The following ADARB2 variants were observed in gnomAD, a reference collection of about 807,000 sequenced individuals.
ADARB2 encodes adenosine deaminase RNA specific B2 (inactive), also known as inactive double-stranded RNA-specific editase B2.
A neutral mutation model predicts 62.2 loss-of-function variants in ADARB2; 25 were observed. That is an observed-to-expected ratio of 0.40 (90% CI 0.29 to 0.56). The LOEUF (loss-of-function observed/expected upper bound fraction) is 0.56. Among genes scored for constraint, ADARB2 ranks in the 20% least tolerant of loss-of-function variants. ADARB2 has a pLI of 0.43. For missense variants in ADARB2, 1,071 were observed against 1,077.4 expected, an observed-to-expected ratio of 0.99 and a Z score of 0.08; for synonymous variants, 572 against 500.8, an observed-to-expected ratio of 1.14 and a Z score of -1.90.
chr10:1,645,594 A>T (rs1334205175), intron 1 of ADARB2, among the ~76,000 whole-genome samples: 1 of 151,930 alleles, frequency 6.6e-6, no homozygotes, highest in Non-Finnish European at 1.5e-5. Context: ...CAAAACCAAA[A>T]CTCACACCGT....
At chr10:1,418,432 T>C (rs4447096) in intron 1 of ADARB2, among the ~76,000 whole-genome samples, 33,492 of 152,066 alleles carry the variant, frequency 0.22, 4,639 homozygotes, top group East Asian at 0.62. Context: ...GGGGGAGCCT[T>C]GTTGTATGTG....
chr10:1,455,201 G>A (rs944271667), intron 1 of ADARB2, among the ~76,000 whole-genome samples: 3 of 152,206 alleles, frequency 2.0e-5, no homozygotes, highest in African/African-American at 7.2e-5. Flanking sequence ...GTGAGAGGAG[G>A]AACTTTGTTA....
intron 1 of ADARB2, among the ~76,000 whole-genome samples, chr10:1,441,218 GA>G (rs909776125): frequency 2.6e-5 from 4 of 151,956 alleles, no homozygotes; most frequent in East Asian, 1.9e-4. Flanking sequence ...GATTCCTTGG[GA>G]AAAAAATAGA....
intron 4 of ADARB2, among the ~76,000 whole-genome samples, chr10:1,260,026 A>G (rs562286559): frequency 1.3e-5 from 2 of 152,332 alleles, no homozygotes; most frequent in African/African-American, 4.8e-5. Context: ...AATCCAGCAT[A>G]TAAACAGAAC....
intron 1 of ADARB2, among the ~76,000 whole-genome samples, chr10:1,472,320 G>A (rs1041574726): frequency 1.3e-5 from 2 of 152,360 alleles, no homozygotes; most frequent in Admixed American, 6.5e-5. Context: ...AGAGACCAAG[G>A]GCCATGCGGC....
rs577483271 is a variant in ADARB2 at position 1,302,078 on chromosome 10, G to A, written c.1078-31009C>T. 3.3e-5 allele frequency among the ~76,000 whole-genome samples: 5 copies of A among 152,310 alleles called. No homozygotes were observed. In the South Asian group the frequency reaches 8.3e-4, roughly 25 times the overall value. On this transcript the variant is annotated intron_variant, in intron 3 of 9. Transcript: ENST00000381312. ...GTCTACAGCTCCCAGCCTGAGCGAC[G>A]CAGAAGACGGGTGATTTCTGCATTT...
intron 1 of ADARB2, among the ~76,000 whole-genome samples, chr10:1,688,884 C>G (rs4880533): frequency 0.98 from 149,660 of 152,320 alleles, 73,586 homozygotes; most frequent in East Asian, 1. Flanking sequence ...AACATTTTAA[C>G]GTAAAAAAGT....
At chr10:1,339,103 A>G (rs1831999506) in intron 3 of ADARB2, among the ~76,000 whole-genome samples, 1 of 151,844 alleles carries the variant, frequency 6.6e-6, no homozygotes, top group South Asian at 2.1e-4. Flanking sequence ...TCCTCCCTGG[A>G]CCCCACACTA....
At chr10:1,613,343 C>T (rs1450681925) in intron 1 of ADARB2, among the ~76,000 whole-genome samples, 1 of 152,132 alleles carries the variant, frequency 6.6e-6, no homozygotes, top group Non-Finnish European at 1.5e-5. Flanking sequence ...ATATAAATAT[C>T]ATGATTCTTC....
intron 1 of ADARB2, among the ~76,000 whole-genome samples, chr10:1,649,451 C>T (rs2119070249): frequency 6.6e-6 from 1 of 152,328 alleles, no homozygotes; most frequent in Admixed American, 6.5e-5. Context: ...CCTGACCATT[C>T]TGTCCTATGA....
intron 1 of ADARB2, among the ~76,000 whole-genome samples, chr10:1,723,154 A>G (rs1008372765): frequency 1.1e-4 from 16 of 152,206 alleles, no homozygotes; most frequent in Non-Finnish European, 1.5e-4. Flanking sequence ...TCATGGTCCT[A>G]TGATGTAGCT....
intron 1 of ADARB2, among the ~76,000 whole-genome samples, chr10:1,577,138 A>G (rs573695863): frequency 6.6e-6 from 1 of 152,354 alleles, no homozygotes; most frequent in South Asian, 2.1e-4. Flanking sequence ...CAGCAAGGAA[A>G]GAAGCCCAGG....
chr10:1,347,553 T>C (rs1364841481), intron 3 of ADARB2, among the ~76,000 whole-genome samples: 3 of 152,140 alleles, frequency 2.0e-5, no homozygotes, highest in Admixed American at 6.5e-5. Flanking sequence ...GGCAGCCGTG[T>C]GACCTGTCCC....
At position 1,579,055 on chromosome 10, in the gene ADARB2, G is replaced by A. The variant is rs901038646; in HGVS notation, c.100+157996C>T. 5.3e-5 allele frequency among the ~76,000 whole-genome samples: 8 copies of A among 152,264 alleles called. No homozygotes were observed. The Middle Eastern group carries it at 0.01, about 194-fold the overall frequency. On this transcript the variant is annotated intron_variant, in intron 1 of 9. Transcript: ENST00000381312. ...GGATGGATCAGGATACCACGAGGTGGGAGAGCCCCAGGTGCCCACACTGCC... is the reference window on the plus strand; with the variant it reads ...GGATGGATCAGGATACCACGAGGTGAGAGAGCCCCAGGTGCCCACACTGCC...
In ADARB2 at chr10:1,305,689, A is replaced by G. The variant is rs1344964259; in HGVS notation, c.1078-34620T>C. On this transcript the variant is annotated intron_variant, in intron 3 of 9. Coordinates refer to ENST00000381312, the MANE Select transcript of ADARB2 (RefSeq NM_018702.4). ...GCAAACCGAATCCAGCAGCACATCA[A>G]AAAGCTTATCCACCATGATCAAGTG... Among the ~76,000 whole-genome samples the G allele has an allele frequency of 5.3e-5, 8 of 152,136 alleles. No homozygotes were observed. The East Asian group carries it at 1.3e-3, about 26-fold the overall frequency.
At chr10:1,544,521 G>A (rs1048326621) in intron 1 of ADARB2, among the ~76,000 whole-genome samples, 2 of 152,136 alleles carry the variant, frequency 1.3e-5, no homozygotes, top group African/African-American at 4.8e-5. Context: ...GAGTCGTCAC[G>A]GCAGGGTCTG....
At chr10:1,361,893 A>C (rs937803194) in intron 3 of ADARB2, among the ~76,000 whole-genome samples, 1 of 152,240 alleles carries the variant, frequency 6.6e-6, no homozygotes, top group African/African-American at 2.4e-5. Context: ...TAACTATGTG[A>C]AATGTTTCTT....
At chr10:1,460,559 G>A (rs12783465) in intron 1 of ADARB2, among the ~76,000 whole-genome samples, 4,609 of 49,596 alleles carry the variant, frequency 0.093, 755 homozygotes, top group East Asian at 0.19. Flanking sequence ...CCTGCGTAAC[G>A]AACCTGCCTG....
rs951998760 is a variant in ADARB2 at position 1,663,182 on chromosome 10, A to G, written c.100+73869T>C. Among the ~76,000 whole-genome samples, 16 of 152,392 alleles carry G rather than the reference A, an allele frequency of 1.0e-4. No homozygotes were observed. The East Asian group carries it at 2.3e-3, about 22-fold the overall frequency. On this transcript the variant is annotated intron_variant, in intron 1 of 9. Transcript: ENST00000381312. ...TTCGGTTTACAGAAAAGTTGAGCAG[A>G]AAGTACAGAGACTTCCCATACATGC...
Sources: gnomAD v4.1 joint callset for allele counts (sites outside exome capture counted in the v4.1 genomes callset) on GRCh38, gnomAD v4.1.1 for gene constraint, MANE v1.5 for transcripts, NCBI Gene and HGNC (gene_info 2026-07-23, HGNC 2026-07-21) for gene names.